MARCHF10: variants seen among roughly 807,000 people sequenced by gnomAD.
MARCHF10 encodes the protein probable E3 ubiquitin-protein ligase MARCHF10.
In MARCHF10, 64 loss-of-function variants were observed where a neutral mutation model predicts 76.2. That is an observed-to-expected ratio of 0.84 (90% CI 0.69 to 1.03). MARCHF10 has a LOEUF of 1.03. Ranked by LOEUF, MARCHF10 falls within the 50% of genes least tolerant of loss-of-function variation. The probability of loss-of-function intolerance (pLI) is 0.00; values close to 1 mark genes in which losing one functional copy is unlikely to be tolerated. For missense variants in MARCHF10, 875 were observed against 958.0 expected (o/e 0.91, Z 1.14); for synonymous variants, 340 against 357.5 (o/e 0.95, Z 0.55).
In MARCHF10 at chr17:62,705,627, G is replaced by A. The variant is rs771297238; in HGVS notation, c.2329-46C>T. The A allele has an allele frequency of 9.9e-6, 16 of 1,608,532 alleles. No homozygotes were observed. The South Asian group carries it at 1.3e-4, about 13-fold the overall frequency. Reference sequence around the variant, plus strand: ...AGAAATGAATTGTTTTTTCCAATACGATTGTGAACAGATGTATAACCTCCT... The same window carrying A: ...AGAAATGAATTGTTTTTTCCAATACAATTGTGAACAGATGTATAACCTCCT... On this transcript the variant is annotated intron_variant, in intron 9 of 10. Coordinates refer to ENST00000311269, the MANE Select transcript of MARCHF10 (RefSeq NM_152598.4).
In MARCHF10 at chr17:62,759,889, T is replaced by G. The variant is rs763965456; in HGVS notation, c.328A>C (p.Ser110Arg). The G allele has an allele frequency of 1.9e-6, 3 of 1,614,032 alleles. No homozygotes were observed. The highest frequency in any genetic ancestry group is 2.5e-6 in the Non-Finnish European group (3 of 1,180,020). Residue 110 changes from serine to arginine, a missense_variant, in exon 4 of 11, where the codon AGT (serine) becomes CGT (arginine). Physicochemically the swap from Ser to Arg is moderately radical, Grantham distance 110 (BLOSUM62 -1). Coordinates refer to ENST00000311269, the MANE Select transcript of MARCHF10 (RefSeq NM_152598.4). ...DQTSVKQKHK[S>R]TMTVRKAEKV... ...TCTGCTTTCCTTACAGTCATGGTAC[T>G]TTTATGTTTCTGCTTGACTGATGTT...
intron 2 of MARCHF10, among the ~76,000 whole-genome samples, chr17:62,796,864 A>ACCCTTGTG (rs1267453672): frequency 6.6e-6 from 1 of 152,100 alleles, no homozygotes; most frequent in African/African-American, 2.4e-5. Context: ...GTGGTAGCAC[A>ACCCTTGTG]TGCTTGTGGT....
chr17:62,742,678 C>T (rs1442859575), intron 5 of MARCHF10, among the ~76,000 whole-genome samples: 1 of 140,794 alleles, frequency 7.1e-6, no homozygotes, highest in Non-Finnish European at 1.6e-5. Context: ...TCCTTCCTTC[C>T]TTCCTTCCTT....
intron 5 of MARCHF10, among the ~76,000 whole-genome samples, chr17:62,739,670 C>T (rs1400287995): frequency 6.6e-6 from 1 of 152,064 alleles, no homozygotes; most frequent in South Asian, 2.1e-4. Context: ...TGTGAGCCAC[C>T]GTGCCCGGCC....
chr17:62,770,527 A>G lies in MARCHF10; in HGVS notation c.211-10521T>C, dbSNP rs115656738. Among the ~76,000 whole-genome samples the G allele has an allele frequency of 7.8e-3, 1,167 of 148,986 alleles. 19 individuals carry two copies. The highest frequency in any genetic ancestry group is 0.026 in the African/African-American group (1,052 of 40,886). ...CCCTATTCTCCACAGCCTTGCCAGC[A>G]TCTATTGTATTTTGACTTTTTTTTT... is the stretch of plus-strand genomic sequence containing the variant. On this transcript the variant is annotated intron_variant, in intron 3 of 10. Coordinates refer to ENST00000311269, the MANE Select transcript of MARCHF10 (RefSeq NM_152598.4).
intron 6 of MARCHF10, among the ~76,000 whole-genome samples, chr17:62,726,747 GC>G (rs2090775018): frequency 6.6e-6 from 1 of 152,148 alleles, no homozygotes; most frequent in African/African-American, 2.4e-5. Context: ...TCCTGCCTCA[GC>G]CTCCCGAGTA....
chr17:62,714,306 T>C (rs1183685608), intron 8 of MARCHF10: 46 of 797,828 alleles, frequency 5.8e-5, no homozygotes, highest in Non-Finnish European at 6.8e-5. Flanking sequence ...TTAGGCAGAG[T>C]TTTAACTGTG....
At chr17:62,730,069 C>CACTTTGGGAGGCCAAGGTGGGCAGATCA (rs1555692448) in intron 6 of MARCHF10, among the ~76,000 whole-genome samples, 6 of 151,400 alleles carry the variant, frequency 4.0e-5, no homozygotes, top group Admixed American at 1.3e-4. Context: ...GTAATCCCAG[C>CACTTTGGGAGGCCAAGGTGGGCAGATCA]TACTCAGGAG....
At chr17:62,720,191 C>T (rs1430236212) in intron 8 of MARCHF10, among the ~76,000 whole-genome samples, 1 of 152,218 alleles carries the variant, frequency 6.6e-6, no homozygotes, top group East Asian at 1.9e-4. Flanking sequence ...TTTGCTCTGT[C>T]TCTTCAAACT....
chr17:62,754,076 TTTG>T (rs994009565), intron 4 of MARCHF10, among the ~76,000 whole-genome samples: 26 of 152,140 alleles, frequency 1.7e-4, no homozygotes, highest in African/African-American at 5.6e-4. Flanking sequence ...AACCACTTTT[TTTG>T]TTGTTGTTGT....
At chr17:62,762,229 G>A (rs2092225189) in intron 3 of MARCHF10, among the ~76,000 whole-genome samples, 1 of 152,180 alleles carries the variant, frequency 6.6e-6, no homozygotes, top group Non-Finnish European at 1.5e-5. Flanking sequence ...AGCCTTTAGT[G>A]CACTGAAGAG....
chr17:62,770,483 G>C (rs190953644), intron 3 of MARCHF10, among the ~76,000 whole-genome samples: 1 of 151,948 alleles, frequency 6.6e-6, no homozygotes, highest in Non-Finnish European at 1.5e-5. Context: ...TACATTCCCA[G>C]CAACAGTATG....
chr17:62,766,203 A>G (rs2092327220), intron 3 of MARCHF10, among the ~76,000 whole-genome samples: 1 of 151,796 alleles, frequency 6.6e-6, no homozygotes, highest in Non-Finnish European at 1.5e-5. Flanking sequence ...CTCAAAATAA[A>G]TAAATAAATA....
At chr17:62,785,126 T>C (rs1195296125) in intron 3 of MARCHF10, among the ~76,000 whole-genome samples, 1 of 152,072 alleles carries the variant, frequency 6.6e-6, no homozygotes, top group Non-Finnish European at 1.5e-5. Flanking sequence ...CTTCAAACTA[T>C]ACCACAAGGC....
intron 6 of MARCHF10, among the ~76,000 whole-genome samples, chr17:62,730,474 A>C (rs1244174586): frequency 6.6e-6 from 1 of 152,258 alleles, no homozygotes; most frequent in Non-Finnish European, 1.5e-5. Context: ...CCATGTATTA[A>C]GCGCTTACTG....
chr17:62,711,636 C>A lies in MARCHF10; in HGVS notation c.2215-292G>T, dbSNP rs2089936289. ...TTATTGAGCAGTTACATATGCAAAGCCTTGAGCTGGATGTTGTGGGGAACA... is the reference window on the plus strand; with the variant it reads ...TTATTGAGCAGTTACATATGCAAAGACTTGAGCTGGATGTTGTGGGGAACA... On this transcript the variant is annotated intron_variant, in intron 8 of 10. Transcript: ENST00000311269. This position sits in a 1 kb window ranked among gnomAD's most constrained non-coding sequence, Gnocchi z 4.4. 6.6e-6 allele frequency among the ~76,000 whole-genome samples: 1 copy of A among 152,204 alleles called. No homozygotes were observed.
At chr17:62,737,589 G>A (rs1020412090) in intron 5 of MARCHF10, 1 of 474,394 alleles carries the variant, frequency 2.1e-6, no homozygotes, top group Non-Finnish European at 3.7e-6. Flanking sequence ...TTCTGCAGAA[G>A]CTCCCGGAAG....
intron 1 of MARCHF10, among the ~76,000 whole-genome samples, chr17:62,803,215 G>A (rs939013346): frequency 6.6e-6 from 1 of 152,056 alleles, no homozygotes; most frequent in Non-Finnish European, 1.5e-5. Flanking sequence ...TTCAGCCCAG[G>A]AGTTAGAGGC....
At chr17:62,783,691 TA>T (rs1337094238) in intron 3 of MARCHF10, among the ~76,000 whole-genome samples, 16 of 151,936 alleles carry the variant, frequency 1.1e-4, no homozygotes, top group Non-Finnish European at 2.1e-4. Context: ...ATAAAGGGGA[TA>T]TCACCACCGA....
Sources: allele counts gnomAD v4.1 joint callset (sites outside exome capture counted in the v4.1 genomes callset), GRCh38; gene constraint gnomAD v4.1.1; non-coding constraint Gnocchi (gnomAD v3.1); transcripts MANE v1.5; gene names NCBI Gene and HGNC (gene_info 2026-07-23, HGNC 2026-07-21).